CTDSPL2: variants seen among roughly 807,000 people sequenced by gnomAD.
The protein encoded by CTDSPL2 is CTD small phosphatase-like protein 2.
A neutral mutation model predicts 60.0 loss-of-function variants in CTDSPL2; 5 were observed. That is an observed-to-expected ratio of 0.08 (90% CI 0.04 to 0.18). The LOEUF is 0.18. Ranked by LOEUF, CTDSPL2 falls within the 10% of genes least tolerant of loss-of-function variation. CTDSPL2 has a pLI of 1.00. For synonymous variants in CTDSPL2, 186 were observed against 189.3 expected, an observed-to-expected ratio of 0.98 and a Z score of 0.14; for missense variants, 370 against 548.8, an observed-to-expected ratio of 0.67 and a Z score of 3.26.
At chr15:44,429,318 C>G (rs144709185) in intron 1 of CTDSPL2, among the ~76,000 whole-genome samples, 1 of 152,086 alleles carries the variant, frequency 6.6e-6, no homozygotes, top group South Asian at 2.1e-4. Flanking sequence ...TAACTACTTG[C>G]CGAGTCAGTT....
At chr15:44,482,010 G>T (rs1338563741) in intron 2 of CTDSPL2, among the ~76,000 whole-genome samples, 2 of 152,208 alleles carry the variant, frequency 1.3e-5, no homozygotes, top group Non-Finnish European at 2.9e-5. Flanking sequence ...CAGCCCTGCT[G>T]GCTTAAAGCT....
At chr15:44,466,681 A>G (rs746344791) in intron 2 of CTDSPL2, among the ~76,000 whole-genome samples, 6 of 152,098 alleles carry the variant, frequency 3.9e-5, no homozygotes, top group Admixed American at 1.3e-4. Flanking sequence ...GCGGTGGCTC[A>G]TGCCTATAAT....
intron 1 of CTDSPL2, among the ~76,000 whole-genome samples, chr15:44,441,571 TTTACCTGGTTTTA>T (rs538066996): frequency 3.2e-4 from 48 of 152,314 alleles, no homozygotes; most frequent in African/African-American, 1.2e-3. Context: ...ATGAATTCTT[TTTACCTGGTTTTA>T]TGGAACCATT....
intron 1 of CTDSPL2, among the ~76,000 whole-genome samples, chr15:44,439,141 A>G (rs7177144): frequency 4.4e-4 from 65 of 149,390 alleles, no homozygotes; most frequent in African/African-American, 1.3e-3. Flanking sequence ...TATTATTATT[A>G]TTGTTATTTA....
chr15:44,498,800 G>T (rs1198471931), intron 7 of CTDSPL2, among the ~76,000 whole-genome samples: 3 of 152,106 alleles, frequency 2.0e-5, no homozygotes, highest in African/African-American at 7.2e-5. Context: ...TTGGGAGGCT[G>T]AGGCAGGAGA....
chr15:44,492,537 T>C (rs978679657), intron 5 of CTDSPL2, among the ~76,000 whole-genome samples: 3 of 152,160 alleles, frequency 2.0e-5, no homozygotes, highest in African/African-American at 2.4e-5. Flanking sequence ...TCTAGGAGCA[T>C]CTGTACTTCT....
chr15:44,441,613 C>A (rs573714215), intron 1 of CTDSPL2, among the ~76,000 whole-genome samples: 1 of 152,146 alleles, frequency 6.6e-6, no homozygotes, highest in African/African-American at 2.4e-5. Flanking sequence ...CCGTGGTCTA[C>A]CTCAGGTGAG....
chr15:44,507,860 T>A (rs935139572), intron 8 of CTDSPL2, among the ~76,000 whole-genome samples: 2 of 152,234 alleles, frequency 1.3e-5, no homozygotes, highest in African/African-American at 4.8e-5. Context: ...ATTGGCACTT[T>A]GAATGTACCA....
intron 1 of CTDSPL2, among the ~76,000 whole-genome samples, chr15:44,431,099 G>C (rs1156304060): frequency 6.6e-6 from 1 of 151,612 alleles, no homozygotes; most frequent in East Asian, 1.9e-4. Flanking sequence ...TGGGATTACA[G>C]ATGTGAGCCA....
At chr15:44,442,382 G>C (rs1345372919) in intron 1 of CTDSPL2, among the ~76,000 whole-genome samples, 1 of 151,650 alleles carries the variant, frequency 6.6e-6, no homozygotes, top group East Asian at 1.9e-4. Flanking sequence ...GGGAGGCAGA[G>C]GTTGCAGTGA....
chr15:44,451,847 T>A (rs1444223602), intron 1 of CTDSPL2, among the ~76,000 whole-genome samples: 1 of 152,220 alleles, frequency 6.6e-6, no homozygotes, highest in African/African-American at 2.4e-5. Flanking sequence ...CTTTTACTTT[T>A]AAGCTTGGCT....
chr15:44,440,642 T>G (rs2080066445), intron 1 of CTDSPL2, among the ~76,000 whole-genome samples: 1 of 152,052 alleles, frequency 6.6e-6, no homozygotes, highest in Non-Finnish European at 1.5e-5. Context: ...GCAAAAAATT[T>G]AATTTCTGGT....
chr15:44,498,276 G>C (rs2081334152), intron 7 of CTDSPL2, among the ~76,000 whole-genome samples: 2 of 152,074 alleles, frequency 1.3e-5, no homozygotes, highest in African/African-American at 4.8e-5. Flanking sequence ...CCTATAATTG[G>C]TACCCTATAT....
In CTDSPL2 at chr15:44,519,169, G is replaced by A; in HGVS notation, c.1113G>A (p.Arg371=). The A allele has an allele frequency of 6.7e-7, 1 of 1,489,000 alleles. No homozygotes were observed. The highest frequency in any genetic ancestry group is 8.9e-7 in the Non-Finnish European group (1 of 1,127,066). 92.2% of individuals were successfully genotyped at this position (1,489,000 alleles called of 1,614,324 possible). A position where few individuals can be genotyped will look rare whatever the true frequency, so the allele number is the denominator to read the frequency against. ...NILDPKKQLV[R]HRLFREHCVC... ...AATTTGTTTTTATTTTTATGTTTAG[G>A]CACCGGCTTTTCCGTGAACATTGTG... The change falls in exon 11 of 13, where the codon AGG becomes AGA. Residue 371 remains arginine, a splice_region_variant and synonymous_variant. Transcript: ENST00000260327.
At chr15:44,505,580 A>G (rs1042068876) in intron 8 of CTDSPL2, among the ~76,000 whole-genome samples, 1 of 151,986 alleles carries the variant, frequency 6.6e-6, no homozygotes, top group African/African-American at 2.4e-5. Context: ...ACTAAAAAAA[A>G]GAAATTAGCT....
At chr15:44,429,727 AT>A (rs1555428692) in intron 1 of CTDSPL2, among the ~76,000 whole-genome samples, 1 of 152,132 alleles carries the variant, frequency 6.6e-6, no homozygotes, top group Non-Finnish European at 1.5e-5. Flanking sequence ...TTAGCCGGGC[AT>A]GGTGGTGCAC....
chr15:44,429,047 G>T (rs1298500850), intron 1 of CTDSPL2, among the ~76,000 whole-genome samples: 1 of 152,110 alleles, frequency 6.6e-6, no homozygotes, highest in Non-Finnish European at 1.5e-5. Flanking sequence ...TTGAATATCA[G>T]TTGATATTTA....
At chr15:44,461,977 C>G (rs938357796) in intron 2 of CTDSPL2, among the ~76,000 whole-genome samples, 1 of 152,068 alleles carries the variant, frequency 6.6e-6, no homozygotes. Context: ...TCTTTCATTC[C>G]CATTGCCCAG....
intron 2 of CTDSPL2, among the ~76,000 whole-genome samples, chr15:44,465,103 A>G (rs2080658592): frequency 6.6e-6 from 1 of 152,182 alleles, no homozygotes; most frequent in South Asian, 2.1e-4. Context: ...ACTTTGGGGT[A>G]ACACTATTCA....
Sources: gnomAD v4.1 joint callset for allele counts (sites outside exome capture counted in the v4.1 genomes callset) on GRCh38, gnomAD v4.1.1 for gene constraint, MANE v1.5 for transcripts, NCBI Gene and HGNC (gene_info 2026-07-23, HGNC 2026-07-21) for gene names.